Variants in PCDH7 observed in about 807,000 individuals in gnomAD.
PCDH7 encodes protocadherin 7.
PCDH7 carries 17 observed loss-of-function variants against 58.9 expected under a neutral mutation model. The ratio of observed to expected loss-of-function variants is 0.29; its 90% CI spans 0.20 to 0.43. The LOEUF (loss-of-function observed/expected upper bound fraction) is 0.43. PCDH7 is among the 20% of genes least tolerant of loss of function. PCDH7 has a pLI of 1.00. For synonymous variants in PCDH7, 664 were observed against 616.4 expected, an observed-to-expected ratio of 1.08 and a Z score of -1.14; for missense variants, 1,274 against 1,441.0, an observed-to-expected ratio of 0.88 and a Z score of 1.88.
intron 1 of PCDH7, among the ~76,000 whole-genome samples, chr4:30,881,496 A>G (rs1736968389): frequency 6.6e-6 from 1 of 152,190 alleles, no homozygotes; most frequent in African/African-American, 2.4e-5. Flanking sequence ...ACCAGAGATC[A>G]TTGAGGAATT....
intron 1 of PCDH7, among the ~76,000 whole-genome samples, chr4:30,760,368 A>G (rs902322409): frequency 1.3e-5 from 2 of 152,202 alleles, no homozygotes; most frequent in African/African-American, 4.8e-5. Context: ...AGAGAAAGAA[A>G]TAAAGGTATT....
intron 1 of PCDH7, among the ~76,000 whole-genome samples, chr4:30,738,705 T>A (rs905672540): frequency 2.6e-5 from 4 of 152,222 alleles, no homozygotes; most frequent in Non-Finnish European, 4.4e-5. Flanking sequence ...TTAATGGCAA[T>A]ATTCATATTT....
chr4:31,067,986 G>T (rs1578705715), intron 3 of PCDH7, among the ~76,000 whole-genome samples: 1 of 151,868 alleles, frequency 6.6e-6, no homozygotes, highest in African/African-American at 2.4e-5. Context: ...GGATCTAATT[G>T]TGCACAACAG....
intron 3 of PCDH7, among the ~76,000 whole-genome samples, chr4:30,951,991 G>A (rs1009308073): frequency 2.6e-5 from 4 of 152,206 alleles, no homozygotes; most frequent in Non-Finnish European, 5.9e-5. Flanking sequence ...ACAGCCTTTT[G>A]TCTTCTTCTC....
At chr4:31,105,496 G>A (rs757782605) in intron 3 of PCDH7, among the ~76,000 whole-genome samples, 1 of 151,940 alleles carries the variant, frequency 6.6e-6, no homozygotes, top group Non-Finnish European at 1.5e-5. Flanking sequence ...CCATTATTAG[G>A]GCTCTATACC....
chr4:30,746,575 C>T (rs942088765), intron 1 of PCDH7, among the ~76,000 whole-genome samples: 1 of 152,068 alleles, frequency 6.6e-6, no homozygotes, highest in Non-Finnish European at 1.5e-5. Context: ...GAAATTTGCC[C>T]CATTTGCTTT....
At chr4:30,837,563 A>C (rs1730644634) in intron 1 of PCDH7, among the ~76,000 whole-genome samples, 1 of 152,018 alleles carries the variant, frequency 6.6e-6, no homozygotes. Flanking sequence ...GAGAAAAAAA[A>C]ACGAGAATAG....
In PCDH7 at chr4:31,097,638, A is replaced by ATATATATATATATATATAAAATC. The variant is rs370034723; in HGVS notation, c.*8-44835_*8-44834insTATATATATATATATATAAAATC. 3.8e-5 allele frequency among the ~76,000 whole-genome samples: 3 copies of ATATATATATATATATATAAAATC among 79,252 alleles called. 1 individual carries two copies. The highest frequency in any genetic ancestry group is 1.7e-4 in the African/African-American group (3 of 17,358). 52.0% of individuals were successfully genotyped at this position (79,252 alleles called of 152,430 possible). A position where few individuals can be genotyped will look rare whatever the true frequency, so the allele number is the denominator to read the frequency against. On this transcript the variant is annotated intron_variant, in intron 3 of 3. Transcript: ENST00000509759. ...TATATATATATATATATATATATATAAATCTTTTTTCTGTAATTTCTGTAA... is the reference window on the plus strand; with the variant it reads ...TATATATATATATATATATATATATATATATATATATATATATAAAATCAATCTTTTTTCTGTAATTTCTGTAA...
chr4:31,095,009 A>G (rs2109290718), intron 3 of PCDH7, among the ~76,000 whole-genome samples: 1 of 150,204 alleles, frequency 6.7e-6, no homozygotes, highest in Admixed American at 6.7e-5. Context: ...AAGGTGAAAA[A>G]ATCAAACAGA....
intron 1 of PCDH7, among the ~76,000 whole-genome samples, chr4:30,833,029 T>C (rs1297633439): frequency 6.6e-6 from 1 of 152,070 alleles, no homozygotes; most frequent in Non-Finnish European, 1.5e-5. Context: ...CTTCAAGCAA[T>C]AAGAGCCTGC....
At chr4:30,968,375 A>AATATATATAT (rs1560541525) in intron 3 of PCDH7, among the ~76,000 whole-genome samples, 1 of 71,748 alleles carries the variant, frequency 1.4e-5, no homozygotes, top group Non-Finnish European at 2.7e-5. Context: ...ATATACACAC[A>AATATATATAT]CTATATATAT....
chr4:30,744,452 G>A (rs1401028411), intron 1 of PCDH7, among the ~76,000 whole-genome samples: 9 of 152,128 alleles, frequency 5.9e-5, no homozygotes. Context: ...TCCAATGGGT[G>A]TTGTTCATTC....
chr4:30,761,142 T>C (rs780794633), intron 1 of PCDH7, among the ~76,000 whole-genome samples: 15 of 152,172 alleles, frequency 9.9e-5, no homozygotes, highest in Non-Finnish European at 1.9e-4. Flanking sequence ...AGCTGGAACA[T>C]CCAGATGAGG....
At chr4:31,016,265 T>G (rs1236152830) in intron 3 of PCDH7, among the ~76,000 whole-genome samples, 1 of 152,216 alleles carries the variant, frequency 6.6e-6, no homozygotes, top group African/African-American at 2.4e-5. Flanking sequence ...CTGTTTTGAC[T>G]AAGAAACAGG....
rs528268119 is a variant in PCDH7, at chr4:30,804,789, A to G, written c.70+80193A>G. ...AGAAACAGACTAAGACAAACATAAAATATCTAACTAAAATAAGGTCTCTGA... is the reference window on the plus strand; with the variant it reads ...AGAAACAGACTAAGACAAACATAAAGTATCTAACTAAAATAAGGTCTCTGA... On this transcript the variant is annotated intron_variant, in intron 1 of 3. Coordinates refer to the PCDH7 transcript ENST00000509759. Among the ~76,000 whole-genome samples, 3 of 152,280 alleles carry G rather than the reference A, an allele frequency of 2.0e-5. No individual in the cohort carries two copies. The East Asian group carries it at 5.8e-4, about 29-fold the overall frequency.
intron 3 of PCDH7, among the ~76,000 whole-genome samples, chr4:31,111,347 G>A (rs1463589344): frequency 2.1e-5 from 3 of 145,716 alleles, no homozygotes; most frequent in African/African-American, 7.6e-5. Context: ...TCGCTCTGTC[G>A]CTCGGGCTAG....
chr4:31,114,628 TACAAAC>T (rs1156274390), intron 3 of PCDH7, among the ~76,000 whole-genome samples: 4 of 89,132 alleles, frequency 4.5e-5, no homozygotes, highest in African/African-American at 1.3e-4. Flanking sequence ...CACTCACACA[TACAAAC>T]ACACACACAC....
chr4:30,722,150 T>A lies in PCDH7; in HGVS notation c.728T>A (p.Val243Glu), dbSNP rs777395820. 9.4e-6 allele frequency: 14 copies of A among 1,497,150 alleles called. No homozygotes were observed. The allele number at this position is 1,497,150 out of a possible 1,614,324, so 92.7% of individuals were successfully genotyped here. ...ACCAACCCCGGCGGCCGCAGCAGCG[T>A]GTTCGAGCTGCAGGTGGCGGACACC... The change falls in exon 1 of 2, where the codon GTG becomes GAG. Residue 243 changes from valine to glutamate, a missense_variant. Physicochemically the swap from Val to Glu is moderately radical, Grantham distance 121 (BLOSUM62 -2). This residue lies in a region of PCDH7 where 331 missense variants were observed against 303.2 expected (regional missense o/e 1.09). Transcript: ENST00000361762. This position sits in a 1 kb window ranked among gnomAD's most constrained non-coding sequence, Gnocchi z 7.6.
intron 3 of PCDH7, among the ~76,000 whole-genome samples, chr4:31,116,567 C>G (rs1717007145): frequency 6.6e-6 from 1 of 152,112 alleles, no homozygotes; most frequent in African/African-American, 2.4e-5. Flanking sequence ...TTGAGAAACC[C>G]TATGCAGATC....
Sources: gnomAD v4.1 joint callset for allele counts (sites outside exome capture counted in the v4.1 genomes callset) on GRCh38, gnomAD v4.1.1 for gene constraint, gnomAD v4.1.1 regional missense constraint, Gnocchi (gnomAD v3.1) non-coding constraint, MANE v1.5 for transcripts, NCBI Gene and HGNC (gene_info 2026-07-23, HGNC 2026-07-21) for gene names.